KCNQ5: variants seen among roughly 807,000 people sequenced by gnomAD.
KCNQ5 encodes the protein potassium voltage-gated channel subfamily KQT member 5.
A neutral mutation model predicts 98.2 loss-of-function variants in KCNQ5; 30 were observed. The ratio of observed to expected loss-of-function variants is 0.31; its 90% CI spans 0.23 to 0.41. The LOEUF (loss-of-function observed/expected upper bound fraction) is 0.41. KCNQ5 is among the 10% of genes least tolerant of loss of function. KCNQ5 has a pLI of 1.00. For synonymous variants in KCNQ5, 458 were observed against 449.4 expected (o/e 1.02, Z -0.24); for missense variants, 835 against 1,182.5 (o/e 0.71, Z 4.31).
chr6:72,641,937 C>T (rs527455127), intron 1 of KCNQ5, among the ~76,000 whole-genome samples: 9 of 151,620 alleles, frequency 5.9e-5, no homozygotes, highest in African/African-American at 1.9e-4. Flanking sequence ...CAATTCTCTA[C>T]GCCTCATTAC....
intron 5 of KCNQ5, among the ~76,000 whole-genome samples, chr6:73,092,817 AT>A (rs1317760618): frequency 6.6e-6 from 1 of 152,118 alleles, no homozygotes; most frequent in Admixed American, 6.5e-5. Context: ...GTTAGCTAGT[AT>A]TTTGTTAACA....
intron 10 of KCNQ5, chr6:73,157,648 G>C (rs2027543): frequency 1.3e-6 from 1 of 774,944 alleles, no homozygotes. Context: ...TGATGGCTGG[G>C]GTCAGCTCTG....
At chr6:72,928,385 T>C (rs1765536931) in intron 1 of KCNQ5, among the ~76,000 whole-genome samples, 1 of 152,100 alleles carries the variant, frequency 6.6e-6, no homozygotes, top group Admixed American at 6.6e-5. Flanking sequence ...AGGAATCTTG[T>C]GGATTCCTTA....
At chr6:72,838,157 G>A (rs1380772981) in intron 1 of KCNQ5, among the ~76,000 whole-genome samples, 2 of 126,052 alleles carry the variant, frequency 1.6e-5, no homozygotes, top group African/African-American at 3.1e-5. Context: ...GCTCTTTCAC[G>A]GTTTCTTCAA....
intron 7 of KCNQ5, among the ~76,000 whole-genome samples, chr6:73,119,020 C>T (rs1282995776): frequency 6.6e-6 from 1 of 151,916 alleles, no homozygotes; most frequent in African/African-American, 2.4e-5. Flanking sequence ...GACCCTGTCT[C>T]AAATAAATAA....
chr6:72,794,096 A>G (rs1236223562), intron 1 of KCNQ5, among the ~76,000 whole-genome samples: 2 of 152,246 alleles, frequency 1.3e-5, no homozygotes, highest in Non-Finnish European at 2.9e-5. Flanking sequence ...TTCGAAGAAA[A>G]TCATAGTAGC....
intron 1 of KCNQ5, among the ~76,000 whole-genome samples, chr6:72,745,462 G>A (rs1771339318): frequency 6.6e-6 from 1 of 152,170 alleles, no homozygotes; most frequent in Non-Finnish European, 1.5e-5. Context: ...CAGCAATCAA[G>A]GCTAGAATCA....
intron 1 of KCNQ5, among the ~76,000 whole-genome samples, chr6:72,806,663 G>A (rs933468044): frequency 7.9e-5 from 12 of 152,032 alleles, no homozygotes; most frequent in Admixed American, 3.3e-4. Context: ...ACTCCAAGAT[G>A]TTGGCCCAAT....
intron 1 of KCNQ5, among the ~76,000 whole-genome samples, chr6:72,883,541 C>T (rs1778730203): frequency 6.6e-6 from 1 of 152,078 alleles, no homozygotes; most frequent in South Asian, 2.1e-4. Flanking sequence ...GGAAGTCCAA[C>T]ATGAAGCAAA....
chr6:72,684,293 G>A (rs1582110411), intron 1 of KCNQ5, among the ~76,000 whole-genome samples: 2 of 152,278 alleles, frequency 1.3e-5, no homozygotes, highest in Admixed American at 1.3e-4. Context: ...CCCTGACACT[G>A]GAGGATACCT....
chr6:72,641,758 C>T (rs906332337), intron 1 of KCNQ5, among the ~76,000 whole-genome samples: 37 of 151,972 alleles, frequency 2.4e-4, no homozygotes, highest in African/African-American at 8.0e-4. Flanking sequence ...ATTTTGGTAT[C>T]TAAAATTGTT....
intron 8 of KCNQ5, 61 bp from the exon 9 acceptor site, chr6:73,124,425 A>T: frequency 6.5e-7 from 1 of 1,543,306 alleles, no homozygotes; most frequent in South Asian, 1.1e-5. Flanking sequence ...GCCATTATCA[A>T]GTGCTATAAA....
chr6:73,067,488 T>C (rs1446475874), intron 3 of KCNQ5, among the ~76,000 whole-genome samples: 1 of 152,176 alleles, frequency 6.6e-6, no homozygotes, highest in Non-Finnish European at 1.5e-5. Flanking sequence ...TATTCCCTAT[T>C]TGCAGGTGAG....
In KCNQ5 at chr6:73,117,051, T is replaced by A. The variant is rs114944032; in HGVS notation, c.1126-3432T>A. On this transcript the variant is annotated intron_variant, in intron 7 of 13. Transcript: ENST00000370398. ...TGCCTAGAGCACCAGCATCACCTGATAAATGGCAAAGTTGGCTCTCATTTT... is the reference window on the plus strand; with the variant it reads ...TGCCTAGAGCACCAGCATCACCTGAAAAATGGCAAAGTTGGCTCTCATTTT... Among the ~76,000 whole-genome samples, 1,474 of 152,346 alleles carry A rather than the reference T, an allele frequency of 9.7e-3. 29 individuals carry two copies. Among genetic ancestry groups the A allele is most frequent in the African/African-American group, 0.034 (1,409 of 41,570 alleles).
intron 1 of KCNQ5, among the ~76,000 whole-genome samples, chr6:72,969,953 A>C (rs1051361131): frequency 6.6e-6 from 1 of 152,174 alleles, no homozygotes; most frequent in African/African-American, 2.4e-5. Context: ...GCTCTAGGAC[A>C]AATGCTATCA....
At chr6:72,917,632 C>T (rs1322333739) in intron 1 of KCNQ5, among the ~76,000 whole-genome samples, 1 of 151,900 alleles carries the variant, frequency 6.6e-6, no homozygotes, top group Non-Finnish European at 1.5e-5. Context: ...GCCACCACAC[C>T]CAGCTGATTT....
chr6:72,999,461 T>C (rs532729200), intron 1 of KCNQ5, among the ~76,000 whole-genome samples: 1 of 152,342 alleles, frequency 6.6e-6, no homozygotes, highest in African/African-American at 2.4e-5. Context: ...CAGACTAATT[T>C]TGAAGGAATA....
intron 1 of KCNQ5, among the ~76,000 whole-genome samples, chr6:72,625,705 CAAG>C (rs1179006371): frequency 2.6e-5 from 4 of 152,178 alleles, no homozygotes; most frequent in Admixed American, 6.5e-5. Flanking sequence ...AACAAGGAGA[CAAG>C]AAGAAGTCAC....
At chr6:73,072,539 T>C (rs1773343025) in intron 3 of KCNQ5, among the ~76,000 whole-genome samples, 1 of 152,194 alleles carries the variant, frequency 6.6e-6, no homozygotes, top group Non-Finnish European at 1.5e-5. Flanking sequence ...ACTAACACCT[T>C]TTAGACAGGG....
Sources: allele counts gnomAD v4.1 joint callset (sites outside exome capture counted in the v4.1 genomes callset), GRCh38; gene constraint gnomAD v4.1.1; transcripts MANE v1.5; gene names NCBI Gene and HGNC (gene_info 2026-07-23, HGNC 2026-07-21).